The following CNNM4 variants were observed in gnomAD, a reference collection of about 807,000 sequenced individuals.
CNNM4 encodes the protein metal transporter CNNM4.
A neutral mutation model predicts 53.7 loss-of-function variants in CNNM4; 32 were observed. That is an observed-to-expected ratio of 0.60 (90% confidence interval 0.45 to 0.80). The LOEUF (loss-of-function observed/expected upper bound fraction) is 0.80. Among genes scored for constraint, CNNM4 ranks in the 30% least tolerant of loss-of-function variants. The probability of loss-of-function intolerance (pLI) is 0.00; values close to 1 mark genes in which losing one functional copy is unlikely to be tolerated. For missense variants in CNNM4, 784 were observed against 1,022.0 expected, an observed-to-expected ratio of 0.77 and a Z score of 3.17; for synonymous variants, 410 against 440.0, an observed-to-expected ratio of 0.93 and a Z score of 0.85.
intron 5 of CNNM4, among the ~76,000 whole-genome samples, chr2:96,799,966 A>G (rs1388537329): frequency 6.6e-6 from 1 of 152,082 alleles, no homozygotes; most frequent in African/African-American, 2.4e-5. Flanking sequence ...GCCTGTGGGG[A>G]GGAAGGCCCA....
At position 96,783,548 on chromosome 2, in the gene CNNM4, G is replaced by A. The variant is rs536872368; in HGVS notation, c.1403-13464G>A. Reference sequence around the variant, plus strand: ...TTTTTCTCCTTGCTTTCTGACAGCCGTAGCTTCTGAAACCTGCCATTTTTG... The same window carrying A: ...TTTTTCTCCTTGCTTTCTGACAGCCATAGCTTCTGAAACCTGCCATTTTTG... On this transcript the variant is annotated intron_variant, in intron 1 of 6. Transcript: ENST00000377075. Among the ~76,000 whole-genome samples the A allele has an allele frequency of 2.0e-5, 3 of 152,262 alleles. 1 individual carries two copies. In the South Asian group the frequency reaches 6.2e-4, roughly 32 times the overall value.
chr2:96,761,579 G>C lies in CNNM4; in HGVS notation c.580G>C (p.Val194Leu). The change falls in exon 1 of 7, where the codon GTG becomes CTG. Residue 194 changes from valine to leucine, a missense_variant. Physicochemically the swap from Val to Leu is conservative, Grantham distance 32. This residue lies in a region of CNNM4 where 473 missense variants were observed against 624.6 expected (regional missense o/e 0.76). Coordinates refer to ENST00000377075, the MANE Select transcript of CNNM4 (RefSeq NM_020184.4). The surrounding 1 kb of genome is among the most constrained non-coding windows in gnomAD (Gnocchi z 6.0). ...LHILLITVLL[V>L]LSGIFSGLNL... ...CATTCTCCTAATTACGGTGCTGCTG[G>C]TGCTGTCGGGCATATTTTCTGGCCT... 1 of 1,614,174 alleles carries C rather than the reference G, an allele frequency of 6.2e-7. No homozygotes were observed.
At position 96,805,966 on chromosome 2, in the gene CNNM4, A is replaced by G. The variant is rs866304445; in HGVS notation, c.1949-2595A>G. On this transcript the variant is annotated intron_variant, in intron 5 of 6. Coordinates refer to ENST00000377075, the MANE Select transcript of CNNM4 (RefSeq NM_020184.4). ...CCGTTCTCAATGAGCTGTTGGGTAC[A>G]CCTCCCAGACGGGGTGGTGGCCGGG... Among the ~76,000 whole-genome samples the G allele has an allele frequency of 3.3e-3, 506 of 151,290 alleles. 1 individual carries two copies. The highest frequency in any genetic ancestry group is 6.8e-3 in the Middle Eastern group (2 of 292).
intron 1 of CNNM4, among the ~76,000 whole-genome samples, chr2:96,792,046 G>C (rs2079066485): frequency 6.6e-6 from 1 of 151,832 alleles, no homozygotes; most frequent in Admixed American, 6.6e-5. Flanking sequence ...TTGAGATCAG[G>C]AGCAGGAGAG....
intron 1 of CNNM4, 66 bp downstream of exon 1, chr2:96,762,467 T>G: frequency 7.0e-7 from 1 of 1,436,316 alleles, no homozygotes; most frequent in African/African-American, 1.4e-5. Context: ...TGGCGTGTTT[T>G]GTGTCTGCTG....
rs369284671 is a variant in CNNM4 at position 96,765,891 on chromosome 2, C to T, written c.1402+3490C>T. 8.1e-5 allele frequency among the ~76,000 whole-genome samples: 12 copies of T among 147,416 alleles called. No homozygotes were observed. The East Asian group carries it at 1.6e-3, about 20-fold the overall frequency. On this transcript the variant is annotated intron_variant, in intron 1 of 6. Transcript: ENST00000377075. The stretch of plus-strand genomic sequence containing the variant: ...CTCACTGCAACCTCCACCTCCGATT[C>T]TCCTGTCTCAGCCTCCCGAGTAGCT...
intron 1 of CNNM4, among the ~76,000 whole-genome samples, chr2:96,780,206 C>T (rs2078961725): frequency 6.6e-6 from 1 of 152,128 alleles, no homozygotes. Context: ...GGAAATCTTA[C>T]ACATCTTTTC....
intron 1 of CNNM4, among the ~76,000 whole-genome samples, chr2:96,794,001 C>A (rs1203678925): frequency 6.6e-6 from 1 of 152,108 alleles, no homozygotes; most frequent in Admixed American, 6.6e-5. Flanking sequence ...AGGCCAGCAG[C>A]CTTTCACTGT....
chr2:96,761,989 G>C lies in CNNM4; in HGVS notation c.990G>C (p.Gln330His), dbSNP rs1227997151. The change falls in exon 1 of 7, where the codon CAG (glutamine) becomes CAC (histidine). Residue 330 changes from glutamine to histidine, a missense_variant. Coordinates refer to ENST00000377075, the MANE Select transcript of CNNM4 (RefSeq NM_020184.4). The surrounding 1 kb of genome is among the most constrained non-coding windows in gnomAD (Gnocchi z 6.0). ...AGCTCCTGGACTTTTTTCTGGGCCA[G>C]GAGATTCGCACTGTTTACAACCGGG... is the stretch of plus-strand genomic sequence containing the variant. ...ISKLLDFFLG[Q>H]EIRTVYNREK... The C allele has an allele frequency of 6.2e-7, 1 of 1,614,156 alleles. No individual in the cohort carries two copies. The highest frequency in any genetic ancestry group is 1.7e-5 in the Admixed American group (1 of 60,020).
At chr2:96,807,443 T>C (rs904719922) in intron 5 of CNNM4, among the ~76,000 whole-genome samples, 10 of 151,030 alleles carry the variant, frequency 6.6e-5, no homozygotes, top group Middle Eastern at 6.4e-3. Context: ...GCTAACACAG[T>C]GAAACCCCGT....
rs116411399 is a variant in CNNM4, at chr2:96,782,849, G to A, written c.1403-14163G>A. On this transcript the variant is annotated intron_variant, in intron 1 of 6. Coordinates refer to ENST00000377075, the MANE Select transcript of CNNM4 (RefSeq NM_020184.4). The stretch of plus-strand genomic sequence containing the variant: ...CTAGTCCCAGAATAGATGTATTTCA[G>A]CAAAGTATTTAACAGAATTTCGGTT... 6.4e-3 allele frequency among the ~76,000 whole-genome samples: 970 copies of A among 152,258 alleles called. 10 individuals carry two copies. Among genetic ancestry groups the A allele is most frequent in the African/African-American group, 0.022 (900 of 41,540 alleles).
At chr2:96,781,987 T>C (rs577757383) in intron 1 of CNNM4, among the ~76,000 whole-genome samples, 43 of 152,356 alleles carry the variant, frequency 2.8e-4, no homozygotes, top group Middle Eastern at 3.4e-3. Context: ...TTTTTGTATC[T>C]GTTGAGATGA....
intron 1 of CNNM4, among the ~76,000 whole-genome samples, chr2:96,774,933 C>T (rs993432733): frequency 8.8e-6 from 1 of 114,046 alleles, no homozygotes; most frequent in African/African-American, 3.4e-5. Context: ...TGCACTCTAG[C>T]CTGGGAGACA....
chr2:96,799,480 C>A (rs2079138641), intron 4 of CNNM4, 72 bp from the exon 5 acceptor site: 13 of 1,376,248 alleles, frequency 9.4e-6, no homozygotes, highest in African/African-American at 1.4e-5. Flanking sequence ...CCTTGTTCCT[C>A]ACTCCCCATC....
intron 1 of CNNM4, among the ~76,000 whole-genome samples, chr2:96,794,849 TG>T (rs780389878): frequency 1.3e-5 from 2 of 152,194 alleles, no homozygotes; most frequent in African/African-American, 2.4e-5. Flanking sequence ...CCACCATAAC[TG>T]GGCATTACCA....
intron 1 of CNNM4, among the ~76,000 whole-genome samples, chr2:96,762,804 A>G (rs1474747288): frequency 1.3e-5 from 2 of 152,058 alleles, no homozygotes. Context: ...GCATTTGAGG[A>G]GAATCTTAAA....
chr2:96,804,647 C>T (rs922080913), intron 5 of CNNM4, among the ~76,000 whole-genome samples: 4 of 152,022 alleles, frequency 2.6e-5, no homozygotes, highest in East Asian at 2.0e-4. Context: ...GTGATCCACC[C>T]GCCTCGGCCT....
In CNNM4 at chr2:96,801,556, C is replaced by G. The variant is rs1427670447; in HGVS notation, c.1948+1908C>G. Among the ~76,000 whole-genome samples, 1 of 149,272 alleles carries G rather than the reference C, an allele frequency of 6.7e-6. No homozygotes were observed. Among genetic ancestry groups the G allele is most frequent in the African/African-American group, 2.5e-5 (1 of 40,178 alleles). ...CACACACAGAGAGACCACACACACA[C>G]AGAGACCACACACAGAGATAGCACA... On this transcript the variant is annotated intron_variant, in intron 5 of 6. Coordinates refer to ENST00000377075, the MANE Select transcript of CNNM4 (RefSeq NM_020184.4). The surrounding 1 kb of genome is among the most constrained non-coding windows in gnomAD (Gnocchi z 5.6).
rs1295286744 is a variant in CNNM4, at chr2:96,801,721, A to G, written c.1948+2073A>G. ...ACACACACGCAGAGAGACCACACAC[A>G]TGCAGAGACCACACACACCCAGAGA... is the stretch of plus-strand genomic sequence containing the variant. On this transcript the variant is annotated intron_variant, in intron 5 of 6. Transcript: ENST00000377075. The surrounding 1 kb of genome is among the most constrained non-coding windows in gnomAD (Gnocchi z 5.6). 4.3e-5 allele frequency among the ~76,000 whole-genome samples: 6 copies of G among 139,292 alleles called. No homozygotes were observed. The highest frequency in any genetic ancestry group is 1.9e-4 in the African/African-American group (6 of 30,948). 91.4% of individuals were successfully genotyped at this position (139,292 alleles called of 152,430 possible). A position where few individuals can be genotyped will look rare whatever the true frequency, so the allele number is the denominator to read the frequency against.
Sources: allele counts gnomAD v4.1 joint callset (sites outside exome capture counted in the v4.1 genomes callset), GRCh38; gene constraint gnomAD v4.1.1; regional missense constraint gnomAD v4.1.1; non-coding constraint Gnocchi (gnomAD v3.1); transcripts MANE v1.5; gene names NCBI Gene and HGNC (gene_info 2026-07-23, HGNC 2026-07-21).